TEX14: variants seen among roughly 807,000 people sequenced by gnomAD.
TEX14 encodes the protein testis expressed 14, intercellular bridge forming factor, also known as inactive serine/threonine-protein kinase TEX14.
A neutral mutation model predicts 178.6 loss-of-function variants in TEX14; 168 were observed. The observed-to-expected ratio is 0.94, with a 90% confidence interval of 0.83 to 1.07. TEX14 has a LOEUF of 1.07. TEX14 is among the 50% of genes least tolerant of loss of function. The pLI is 0.00. For missense variants in TEX14, 1,730 were observed against 1,753.6 expected, an observed-to-expected ratio of 0.99 and a Z score of 0.24; for synonymous variants, 626 against 634.1, an observed-to-expected ratio of 0.99 and a Z score of 0.19.
Position 58,621,719 on chromosome 17 carries a change from A to C in TEX14, c.485T>G (p.Leu162Arg), listed in dbSNP as rs1296194477. The C allele has an allele frequency of 3.7e-6, 6 of 1,614,068 alleles. No individual in the cohort carries two copies. The African/African-American group carries it at 5.3e-5, about 14-fold the overall frequency. ...CTGCGGGGAGTCTATCTTCTTCAGG[A>C]GGTCGTAAGAGAAGCCCTGGATGAT... The part of the protein sequence containing the change: ...QAIIQGFSYD[L>R]LKKIDSPQRL... Residue 162 changes from leucine to arginine, a missense_variant, in exon 5 of 32, where the codon CTC becomes CGC. By Grantham distance (102) the Leu-to-Arg change is moderately radical. This residue lies in a region of TEX14 where 789 missense variants were observed against 681.2 expected (regional missense o/e 1.16). Transcript: ENST00000349033.
At chr17:58,584,271 T>C (rs2044897146) in intron 19 of TEX14, among the ~76,000 whole-genome samples, 1 of 152,194 alleles carries the variant, frequency 6.6e-6, no homozygotes, top group South Asian at 2.1e-4. Flanking sequence ...CACTTTTCTG[T>C]ACTCTCCCAA....
In TEX14 at chr17:58,609,537, C is replaced by T. The variant is rs186508890; in HGVS notation, c.1184+1624G>A. 2.0e-5 allele frequency among the ~76,000 whole-genome samples: 3 copies of T among 152,266 alleles called. No individual in the cohort carries two copies. The East Asian group carries it at 5.8e-4, about 29-fold the overall frequency. ...GAATTATAGGCATGAGCCACCATGC[C>T]CAGCCTAGAGGAAGGATCTTAACCT... On this transcript the variant is annotated intron_variant, in intron 10 of 31. Transcript: ENST00000349033.
chr17:58,561,421 A>G, intron 29 of TEX14, 99 bp downstream of exon 29: 1 of 831,936 alleles, frequency 1.2e-6, no homozygotes, highest in South Asian at 1.5e-5. Flanking sequence ...ATCTAAATCA[A>G]TGTAATGCCA....
At chr17:58,601,140 C>T (rs1193283882) in intron 13 of TEX14, among the ~76,000 whole-genome samples, 1 of 151,710 alleles carries the variant, frequency 6.6e-6, no homozygotes, top group Non-Finnish European at 1.5e-5. Context: ...AATCCCAGCA[C>T]TTTGGGAGGA....
intron 2 of TEX14, among the ~76,000 whole-genome samples, chr17:58,638,854 CTT>C (rs1210311633): frequency 1.2e-3 from 92 of 75,086 alleles, no homozygotes; most frequent in African/African-American, 2.3e-3. Flanking sequence ...GACTATTATT[CTT>C]TTTTTTTTTT....
At chr17:58,650,806 G>A (rs775071733) in intron 2 of TEX14, among the ~76,000 whole-genome samples, 12 of 152,110 alleles carry the variant, frequency 7.9e-5, no homozygotes, top group Non-Finnish European at 1.6e-4. Flanking sequence ...CTATTCAGTG[G>A]GATAGGTGGA....
At chr17:58,647,957 C>G (rs1208763752) in intron 2 of TEX14, 1 of 152,370 alleles carries the variant, frequency 6.6e-6, no homozygotes, top group Non-Finnish European at 1.5e-5. Flanking sequence ...CTAGGCCTCC[C>G]AAAGTGCTGG....
At chr17:58,658,799 ATT>A (rs113265678) in intron 1 of TEX14, among the ~76,000 whole-genome samples, 3 of 147,802 alleles carry the variant, frequency 2.0e-5, no homozygotes, top group South Asian at 2.1e-4. Context: ...AGACCCAGGA[ATT>A]TTTTTTTTTT....
intron 2 of TEX14, among the ~76,000 whole-genome samples, chr17:58,640,538 T>C (rs920947424): frequency 6.6e-6 from 1 of 152,048 alleles, no homozygotes; most frequent in African/African-American, 2.4e-5. Context: ...CTAAGCACTA[T>C]TTCTAAGAAT....
chr17:58,593,011 G>A (rs774997947), intron 15 of TEX14, among the ~76,000 whole-genome samples: 32 of 151,688 alleles, frequency 2.1e-4, no homozygotes, highest in Non-Finnish European at 3.7e-4. Flanking sequence ...TTATATATAC[G>A]TATATGTGTA....
intron 1 of TEX14, among the ~76,000 whole-genome samples, 155 bp downstream of exon 1, chr17:58,691,784 C>A (rs2047734849): frequency 6.6e-6 from 1 of 151,998 alleles, no homozygotes; most frequent in African/African-American, 2.4e-5. Context: ...TGCTTGCCTT[C>A]CTCCCCGAAG....
At chr17:58,607,629 A>T (rs1212838718) in intron 10 of TEX14, among the ~76,000 whole-genome samples, 1 of 152,226 alleles carries the variant, frequency 6.6e-6, no homozygotes, top group Non-Finnish European at 1.5e-5. Context: ...CCAAAGCTCC[A>T]TTTCGGGCTA....
chr17:58,667,557 C>G (rs1372807627), intron 1 of TEX14, among the ~76,000 whole-genome samples: 1 of 152,132 alleles, frequency 6.6e-6, no homozygotes, highest in Non-Finnish European at 1.5e-5. Flanking sequence ...GGAATCATCC[C>G]CATTTCATGG....
intron 20 of TEX14, 131 bp from the exon 21 acceptor site, chr17:58,577,587 A>G: frequency 2.9e-6 from 1 of 347,290 alleles, no homozygotes; most frequent in Non-Finnish European, 4.9e-6. Context: ...TGGATAAACA[A>G]AGTGCTGCCC....
Position 58,593,162 on chromosome 17 carries a change from T to C in TEX14, c.2576+393A>G, listed in dbSNP as rs138519838. Among the ~76,000 whole-genome samples the C allele has an allele frequency of 5.7e-3, 870 of 152,366 alleles. 5 individuals carry two copies. The highest frequency in any genetic ancestry group is 9.2e-3 in the African/African-American group (381 of 41,584). On this transcript the variant is annotated intron_variant, in intron 15 of 31. Coordinates refer to ENST00000349033, the MANE Select transcript of TEX14 (RefSeq NM_031272.5). ...ACACCCCAGGGTCATAGTGATGTTG[T>C]TCAACTCTCTCTGGAGTCAGTGACA...
chr17:58,684,961 C>T lies in TEX14; in HGVS notation c.-2+6978G>A, dbSNP rs1397693232. Among the ~76,000 whole-genome samples, 4 of 151,600 alleles carry T rather than the reference C, an allele frequency of 2.6e-5. No homozygotes were observed. The East Asian group carries it at 7.7e-4, about 29-fold the overall frequency. On this transcript the variant is annotated intron_variant, in intron 1 of 31. Transcript: ENST00000349033. ...TAGGTGACAGAGCAAAACTCAGTCC[C>T]CCAAAAAATCATATAAATAGTCAAA... is the stretch of plus-strand genomic sequence containing the variant.
In TEX14 at chr17:58,607,012, CAAAAAAAAA is replaced by C. The variant is rs35155837; in HGVS notation, c.1185-1892_1185-1884del. 5.4e-4 allele frequency among the ~76,000 whole-genome samples: 50 copies of C among 92,610 alleles called. 1 individual carries two copies. Among genetic ancestry groups the C allele is most frequent in the South Asian group, 2.8e-3 (7 of 2,536 alleles). The allele number at this position is 92,610 out of a possible 152,430, so 60.8% of individuals were successfully genotyped here. On this transcript the variant is annotated intron_variant, in intron 10 of 31. Coordinates refer to ENST00000349033, the MANE Select transcript of TEX14 (RefSeq NM_031272.5). ...TGCATTCCAGACTGGGCTACTGTCT[CAAAAAAAAA>C]AAAAAAAAAAAAAAAGGAAGGAGCT...
chr17:58,609,618 T>A (rs1406048473), intron 10 of TEX14, among the ~76,000 whole-genome samples: 1 of 152,082 alleles, frequency 6.6e-6, no homozygotes, highest in East Asian at 1.9e-4. Context: ...GAACACAGCA[T>A]CCCAGTGTTC....
intron 31 of TEX14, 51 bp from the exon 32 acceptor site, chr17:58,557,098 T>A: frequency 6.0e-6 from 9 of 1,489,536 alleles, no homozygotes; most frequent in Non-Finnish European, 8.4e-6. Flanking sequence ...AGTTGGTATG[T>A]GTGTTTTTTA....
Sources: allele counts gnomAD v4.1 joint callset (sites outside exome capture counted in the v4.1 genomes callset), GRCh38; gene constraint gnomAD v4.1.1; regional missense constraint gnomAD v4.1.1; transcripts MANE v1.5; gene names NCBI Gene and HGNC (gene_info 2026-07-23, HGNC 2026-07-21).